DSE: variants seen among roughly 807,000 people sequenced by gnomAD.
The protein encoded by DSE is dermatan-sulfate epimerase.
A neutral mutation model predicts 84.4 loss-of-function variants in DSE; 36 were observed. The observed-to-expected ratio is 0.43, with a 90% CI of 0.33 to 0.56. DSE has a LOEUF of 0.56. DSE is among the 20% of genes least tolerant of loss of function. The probability of loss-of-function intolerance (pLI) is 0.06; values close to 1 mark genes in which losing one functional copy is unlikely to be tolerated. For synonymous variants in DSE, 410 were observed against 430.1 expected, an observed-to-expected ratio of 0.95 and a Z score of 0.58; for missense variants, 862 against 1,169.6, an observed-to-expected ratio of 0.74 and a Z score of 3.84.
rs372030959 is a variant in DSE at position 116,362,641 on chromosome 6, C to A, written c.-53-36557C>A. Among the ~76,000 whole-genome samples the A allele has an allele frequency of 4.6e-5, 7 of 152,132 alleles. No homozygotes were observed. The South Asian group carries it at 1.4e-3, about 31-fold the overall frequency. On this transcript the variant is annotated intron_variant, in intron 2 of 3. Transcript: ENST00000430252. ...CTCCAGCACCGTGAGAAATAAATTT[C>A]TATTGTTTTAGCCATCCAGTCTATG...
chr6:116,393,769 A>G (rs1485600647), intron 1 of DSE, among the ~76,000 whole-genome samples: 1 of 152,216 alleles, frequency 6.6e-6, no homozygotes, highest in African/African-American at 2.4e-5. Flanking sequence ...AATCCATCTT[A>G]GTTTGGGGCA....
intron 2 of DSE, among the ~76,000 whole-genome samples, chr6:116,348,672 A>G (rs2114844299): frequency 6.6e-6 from 1 of 152,324 alleles, no homozygotes; most frequent in Admixed American, 6.5e-5. Context: ...AGACACATGC[A>G]CACGTATGTT....
chr6:116,357,360 G>A (rs1407806729), intron 2 of DSE, among the ~76,000 whole-genome samples: 2 of 151,964 alleles, frequency 1.3e-5, no homozygotes, highest in South Asian at 2.1e-4. Context: ...GTGAAACCCC[G>A]TCTCTACTAA....
Position 116,435,879 on chromosome 6 carries a change from G to T in DSE, c.1411G>T (p.Ala471Ser), listed in dbSNP as rs1218277067. 6.2e-7 allele frequency: 1 copy of T among 1,614,048 alleles called. No individual in the cohort carries two copies. The highest frequency in any genetic ancestry group is 8.5e-7 in the Non-Finnish European group (1 of 1,179,996). ...APNGVPFITEALYGPKYTFFN... is the reference protein window; with the variant it reads ...APNGVPFITESLYGPKYTFFN... ...CAATGGTGTGCCTTTCATTACTGAG[G>T]CTCTGTACGGGCCAAAGTACACCTT... is the stretch of plus-strand genomic sequence containing the variant. Residue 471 changes from alanine to serine, a missense_variant, in exon 6 of 6, where the codon GCT becomes TCT. Ala to Ser is a moderately conservative substitution (Grantham distance 99, BLOSUM62 1). Around this residue, in one of 4 missense-constraint regions of DSE, gnomAD observed 186 missense variants for 255.1 expected, o/e 0.73. Transcript: ENST00000644252.
Position 116,436,461 on chromosome 6 carries a change from A to G in DSE, c.1993A>G (p.Ile665Val), listed in dbSNP as rs1400007142. ...CATCACCAGGGCAGCTTACCTCTTC[A>G]TAGGGCCATCTATAGATGTTCAGAG... ...SPITRAAYLF[I>V]GPSIDVQSFT... Residue 665 changes from isoleucine (I) to valine (V), a missense_variant, in exon 6 of 6, where the codon ATA becomes GTA. Ile to Val is a conservative substitution (Grantham distance 29, BLOSUM62 3). This residue lies in a region of DSE where 186 missense variants were observed against 255.1 expected (regional missense o/e 0.73). Transcript: ENST00000644252. 2.5e-6 allele frequency: 4 copies of G among 1,614,038 alleles called. No individual in the cohort carries two copies. The highest frequency in any genetic ancestry group is 1.7e-5 in the Admixed American group (1 of 59,996).
chr6:116,279,580 C>A, intron 2 of DSE: 7 of 1,602,468 alleles, frequency 4.4e-6, no homozygotes, highest in Non-Finnish European at 5.1e-6. Context: ...CCCAACAACT[C>A]GGATCTGGGG....
At chr6:116,278,410 A>G in intron 2 of DSE, 14 of 1,487,390 alleles carry the variant, frequency 9.4e-6, no homozygotes, top group Non-Finnish European at 1.2e-5. Flanking sequence ...CAGAAAAGTC[A>G]GCAAAAACAA....
At chr6:116,316,826 C>CTACTATTATTATTATTATTATTATTAT (rs59889768) in intron 2 of DSE, among the ~76,000 whole-genome samples, 6 of 145,868 alleles carry the variant, frequency 4.1e-5, no homozygotes, top group African/African-American at 7.6e-5. Flanking sequence ...ACTACTACTA[C>CTACTATTATTATTATTATTATTATTAT]TATTATTATT....
At chr6:116,372,199 T>C (rs1779633962) in intron 1 of DSE, among the ~76,000 whole-genome samples, 1 of 152,258 alleles carries the variant, frequency 6.6e-6, no homozygotes, top group Admixed American at 6.5e-5. Context: ...CCGGACGCAG[T>C]GGCTCACGCC....
rs1784297685 is a variant in DSE, at chr6:116,438,122, A to G, written c.*777A>G. 1 of 152,594 alleles carries G rather than the reference A, an allele frequency of 6.6e-6. No individual in the cohort carries two copies. The highest frequency in any genetic ancestry group is 6.5e-5 in the Admixed American group (1 of 15,270). The allele number at this position is 152,594 out of a possible 1,614,324, so 9.5% of individuals were successfully genotyped here. ...TATGGAAAACCGTTATAGACCCAAT[A>G]ACAACTAAACCTTTCAAAAGAAAAT... On this transcript the variant is annotated 3_prime_UTR_variant, in exon 6 of 6. Transcript: ENST00000644252.
chr6:116,336,848 T>C (rs910018992), intron 2 of DSE, among the ~76,000 whole-genome samples: 1 of 152,122 alleles, frequency 6.6e-6, no homozygotes, highest in African/African-American at 2.4e-5. Flanking sequence ...AGGTTCATAG[T>C]CTTTGTAGCA....
chr6:116,331,601 A>G (rs756624313), intron 2 of DSE, among the ~76,000 whole-genome samples: 1 of 152,204 alleles, frequency 6.6e-6, no homozygotes, highest in Non-Finnish European at 1.5e-5. Flanking sequence ...ATCAATAGTT[A>G]CCAACATTTC....
intron 1 of DSE, among the ~76,000 whole-genome samples, chr6:116,391,764 TAAAAA>T (rs77486984): frequency 1.7e-5 from 2 of 119,284 alleles, no homozygotes; most frequent in South Asian, 2.7e-4. Context: ...GACTCCGTCT[TAAAAA>T]AAAAAAAAAA....
chr6:116,301,345 T>G (rs1000899265), intron 2 of DSE, among the ~76,000 whole-genome samples: 1 of 152,150 alleles, frequency 6.6e-6, no homozygotes. Flanking sequence ...CTGAAAGCCT[T>G]GGCCTTACCC....
intron 2 of DSE, chr6:116,278,742 G>C (rs200556782): frequency 5.0e-6 from 8 of 1,614,088 alleles, no homozygotes; most frequent in Non-Finnish European, 5.9e-6. Flanking sequence ...TGAAGGACTG[G>C]GGTTCATGCC....
rs150456406 is a variant in DSE at position 116,332,775 on chromosome 6, A to C, written c.-53-66423A>C. Among the ~76,000 whole-genome samples, 308 of 152,304 alleles carry C rather than the reference A, an allele frequency of 2.0e-3. 3 individuals carry two copies. The highest frequency in any genetic ancestry group is 5.2e-3 in the Admixed American group (79 of 15,296). On this transcript the variant is annotated intron_variant, in intron 2 of 3. Transcript: ENST00000430252. ...GTAAAAAGTCAAGCTACATGGTAAA[A>C]TATATTACATATGCAAGTCTTGTGC...
At chr6:116,322,787 C>G (rs1052954125) in intron 2 of DSE, among the ~76,000 whole-genome samples, 8 of 152,170 alleles carry the variant, frequency 5.3e-5, no homozygotes, top group Non-Finnish European at 7.3e-5. Context: ...GTAAATGACT[C>G]TCAACCAAGA....
chr6:116,348,129 T>A (rs1211369545), intron 2 of DSE, among the ~76,000 whole-genome samples: 1 of 152,018 alleles, frequency 6.6e-6, no homozygotes, highest in African/African-American at 2.4e-5. Context: ...TGGCAATCAT[T>A]AAAAAGTCAA....
intron 2 of DSE, among the ~76,000 whole-genome samples, chr6:116,307,428 T>C (rs1775420143): frequency 6.6e-6 from 1 of 152,210 alleles, no homozygotes; most frequent in African/African-American, 2.4e-5. Flanking sequence ...AGAGTGTATC[T>C]TAATAAAGAA....
Sources: gnomAD v4.1 joint callset for allele counts (sites outside exome capture counted in the v4.1 genomes callset) on GRCh38, gnomAD v4.1.1 for gene constraint, gnomAD v4.1.1 regional missense constraint, MANE v1.5 for transcripts, NCBI Gene and HGNC (gene_info 2026-07-23, HGNC 2026-07-21) for gene names.